The following PDE4D variants were observed in gnomAD, a reference collection of about 807,000 sequenced individuals.
PDE4D encodes phosphodiesterase 4D, also known as 3',5'-cyclic-AMP phosphodiesterase 4D.
Under a neutral mutation model 87.4 loss-of-function variants are expected in PDE4D, and 24 were observed. The ratio of observed to expected loss-of-function variants is 0.27; its 90% CI spans 0.20 to 0.39. The LOEUF is 0.39. Among genes scored for constraint, PDE4D ranks in the 10% least tolerant of loss-of-function variants. The pLI, the probability that PDE4D is intolerant of heterozygous loss-of-function variation, is 1.00. For missense variants in PDE4D, 714 were observed against 1,041.0 expected, an observed-to-expected ratio of 0.69 and a Z score of 4.32; for synonymous variants, 384 against 383.2, an observed-to-expected ratio of 1.00 and a Z score of -0.02.
At chr5:59,470,223 T>G (rs941421105) in intron 1 of PDE4D, among the ~76,000 whole-genome samples, 1 of 152,122 alleles carries the variant, frequency 6.6e-6, no homozygotes, top group African/African-American at 2.4e-5. Context: ...TTAATGAAAC[T>G]GCAGGGACAG....
At chr5:59,492,239 C>T (rs1444334249) in intron 1 of PDE4D, among the ~76,000 whole-genome samples, 1 of 152,184 alleles carries the variant, frequency 6.6e-6, no homozygotes, top group East Asian at 1.9e-4. Flanking sequence ...AAAAAATTTA[C>T]TGGGACTATC....
chr5:59,519,855 A>C (rs571749014), intron 1 of PDE4D, among the ~76,000 whole-genome samples: 40 of 152,292 alleles, frequency 2.6e-4, no homozygotes, highest in Admixed American at 4.6e-4. Context: ...GAAGCACAGG[A>C]AGTAGTAAAC....
At chr5:59,982,200 A>G (rs745751240) in intron 3 of PDE4D, among the ~76,000 whole-genome samples, 2 of 152,198 alleles carry the variant, frequency 1.3e-5, no homozygotes, top group Admixed American at 1.3e-4. Context: ...TACACAGTGT[A>G]CTTCTTCAGA....
chr5:59,824,344 C>A (rs552397521), intron 1 of PDE4D, among the ~76,000 whole-genome samples: 6 of 152,280 alleles, frequency 3.9e-5, no homozygotes, highest in Non-Finnish European at 8.8e-5. Flanking sequence ...TGCTCCATCA[C>A]GACACATGCT....
chr5:59,890,084 T>C (rs958862745), intron 1 of PDE4D, among the ~76,000 whole-genome samples: 1 of 152,174 alleles, frequency 6.6e-6, no homozygotes, highest in South Asian at 2.1e-4. Flanking sequence ...CAAGATAATA[T>C]CTGGAAATGC....
chr5:59,315,255 C>T (rs151213933), intron 1 of PDE4D, among the ~76,000 whole-genome samples: 2 of 152,262 alleles, frequency 1.3e-5, no homozygotes, highest in East Asian at 3.9e-4. Flanking sequence ...GGAATATCTA[C>T]CTCCCTACCC....
chr5:59,467,790 T>G (rs1266690619), intron 1 of PDE4D, among the ~76,000 whole-genome samples: 4 of 152,176 alleles, frequency 2.6e-5, no homozygotes, highest in Non-Finnish European at 5.9e-5. Flanking sequence ...TGAAATAAAT[T>G]ATGTTTGAGT....
intron 2 of PDE4D, among the ~76,000 whole-genome samples, chr5:60,150,577 A>C (rs1367887506): frequency 6.6e-6 from 1 of 152,170 alleles, no homozygotes; most frequent in African/African-American, 2.4e-5. Context: ...TCAGAAAAAA[A>C]AAATACTTTC....
At chr5:59,487,386 G>A (rs772673933) in intron 1 of PDE4D, among the ~76,000 whole-genome samples, 9 of 152,136 alleles carry the variant, frequency 5.9e-5, no homozygotes, top group Non-Finnish European at 1.3e-4. Flanking sequence ...TTTTTTTCGT[G>A]TTCAGTTAAG....
At chr5:59,655,470 A>G (rs914514048) in intron 1 of PDE4D, among the ~76,000 whole-genome samples, 3 of 152,192 alleles carry the variant, frequency 2.0e-5, no homozygotes, top group African/African-American at 7.2e-5. Context: ...AAGTAATGCC[A>G]CTAATAAAAA....
intron 1 of PDE4D, among the ~76,000 whole-genome samples, chr5:59,490,800 C>A (rs1214810898): frequency 6.6e-6 from 1 of 152,202 alleles, no homozygotes; most frequent in Non-Finnish European, 1.5e-5. Context: ...AATCAATTGG[C>A]AACTGACGTG....
At chr5:59,678,841 A>G (rs1233734859) in intron 1 of PDE4D, among the ~76,000 whole-genome samples, 2 of 152,098 alleles carry the variant, frequency 1.3e-5, no homozygotes, top group Non-Finnish European at 2.9e-5. Context: ...ATCTTTGCCT[A>G]CTTCTTGTTA....
chr5:59,915,171 G>C (rs1753904448), intron 3 of PDE4D, among the ~76,000 whole-genome samples: 1 of 152,114 alleles, frequency 6.6e-6, no homozygotes, highest in Non-Finnish European at 1.5e-5. Flanking sequence ...TTCTGAGTTA[G>C]AGTGGACATA....
In PDE4D at chr5:58,970,632, GT is replaced by G. The variant is rs1298766848; in HGVS notation, c.*4031del. On this transcript the variant is annotated 3_prime_UTR_variant, in exon 15 of 15. Coordinates refer to ENST00000340635, the MANE Select transcript of PDE4D (RefSeq NM_001104631.2). ...TAAACTGACATCAACCCACCTTTGC[GT>G]TTAAATAGATGGGTTTACATATATG... The G allele has an allele frequency of 2.6e-5, 4 of 152,114 alleles. No individual in the cohort carries two copies. Among genetic ancestry groups the G allele is most frequent in the Non-Finnish European group, 4.4e-5 (3 of 68,012 alleles). 9.4% of individuals were successfully genotyped at this position (152,114 alleles called of 1,614,324 possible). A position where few individuals can be genotyped will look rare whatever the true frequency, so the allele number is the denominator to read the frequency against.
chr5:59,819,303 G>T (rs1769364326), intron 1 of PDE4D, among the ~76,000 whole-genome samples: 1 of 152,144 alleles, frequency 6.6e-6, no homozygotes, highest in South Asian at 2.1e-4. Flanking sequence ...GTAAAACTGA[G>T]TTCATAAATG....
chr5:59,893,039 C>T, intron 1 of PDE4D, 129 bp downstream of exon 1: 1 of 946,690 alleles, frequency 1.1e-6, no homozygotes. Context: ...GTTTGTCCTC[C>T]CCCAATTTCC....
At position 59,862,410 on chromosome 5, in the gene PDE4D, T is replaced by G. The variant is rs546200085; in HGVS notation, c.455+30758A>C. 1.0e-3 allele frequency among the ~76,000 whole-genome samples: 158 copies of G among 152,320 alleles called. 1 individual carries two copies. Among genetic ancestry groups the G allele is most frequent in the African/African-American group, 3.7e-3 (154 of 41,572 alleles). On this transcript the variant is annotated intron_variant, in intron 1 of 14. Transcript: ENST00000340635. ...CGTATCCTCAGCTTACCCTGACCTC[T>G]AAGATACATATGTACAAATTCATGT... is the stretch of plus-strand genomic sequence containing the variant.
At chr5:59,894,025 C>T (rs1324657860), upstream of PDE4D, among the ~76,000 whole-genome samples, 1 of 152,162 alleles carries the variant, frequency 6.6e-6, no homozygotes, top group Non-Finnish European at 1.5e-5. Flanking sequence ...ACGGCGGCGG[C>T]GGCAGTGGTA....
intron 1 of PDE4D, among the ~76,000 whole-genome samples, chr5:59,367,852 C>T (rs1783328860): frequency 6.6e-6 from 1 of 152,168 alleles, no homozygotes; most frequent in Non-Finnish European, 1.5e-5. Context: ...AAATCCACTT[C>T]GTGCCAGTTT....
Sources: allele counts gnomAD v4.1 joint callset (sites outside exome capture counted in the v4.1 genomes callset), GRCh38; gene constraint gnomAD v4.1.1; transcripts MANE v1.5; gene names NCBI Gene and HGNC (gene_info 2026-07-23, HGNC 2026-07-21).